Variants in IDO2 observed in about 807,000 individuals in gnomAD.
IDO2 encodes the protein indoleamine 2,3-dioxygenase 2.
IDO2 carries 46 observed loss-of-function variants against 45.1 expected under a neutral mutation model. The observed-to-expected ratio is 1.02, with a 90% confidence interval of 0.80 to 1.30. IDO2 has a LOEUF of 1.30. Ranked by LOEUF, IDO2 falls within the 50% of genes most tolerant of loss-of-function variation. IDO2 has a pLI of 0.00. For missense variants in IDO2, 544 were observed against 491.8 expected, an observed-to-expected ratio of 1.11 and a Z score of -1.00; for synonymous variants, 218 against 184.9, an observed-to-expected ratio of 1.18 and a Z score of -1.45.
intron 2 of IDO2, among the ~76,000 whole-genome samples, chr8:39,962,000 T>C (rs1808005342): frequency 6.6e-6 from 1 of 152,232 alleles, no homozygotes; most frequent in Non-Finnish European, 1.5e-5. Flanking sequence ...ATATGGTTTA[T>C]GTTGCAACTA....
chr8:39,956,989 A>C (rs982060321), intron 2 of IDO2, among the ~76,000 whole-genome samples: 44 of 138,496 alleles, frequency 3.2e-4, no homozygotes, highest in African/African-American at 1.2e-3. Context: ...GTTGCAGTGA[A>C]CCGAGCTCAC....
intron 1 of IDO2, 86 bp from the exon 2 acceptor site, chr8:39,949,063 T>G: frequency 6.6e-7 from 1 of 1,520,484 alleles, no homozygotes; most frequent in Non-Finnish European, 8.8e-7. Context: ...CCTGAGACAC[T>G]GCGCAACTAA....
At chr8:39,981,206 C>T (rs534366153) in intron 4 of IDO2, among the ~76,000 whole-genome samples, 3 of 151,920 alleles carry the variant, frequency 2.0e-5, no homozygotes, top group Admixed American at 6.6e-5. Flanking sequence ...GGACTACAGG[C>T]GCCCACCACA....
At chr8:39,938,219 A>AAT (rs1382789379) in intron 1 of IDO2, among the ~76,000 whole-genome samples, 1 of 152,178 alleles carries the variant, frequency 6.6e-6, no homozygotes, top group East Asian at 1.9e-4. Flanking sequence ...GAGGTGGGAC[A>AAT]ATCACTTAAG....
intron 4 of IDO2, among the ~76,000 whole-genome samples, chr8:39,981,029 G>C (rs900508790): frequency 2.0e-5 from 3 of 148,918 alleles, no homozygotes; most frequent in African/African-American, 4.9e-5. Context: ...TGTGATTACA[G>C]GCATGGGCCC....
At chr8:39,999,289 T>C (rs1302007112) in intron 8 of IDO2, among the ~76,000 whole-genome samples, 1 of 145,962 alleles carries the variant, frequency 6.9e-6, no homozygotes, top group Non-Finnish European at 1.5e-5. Flanking sequence ...TTTTTTTTTT[T>C]TTTTTTTTGA....
intron 8 of IDO2, among the ~76,000 whole-genome samples, chr8:39,999,090 T>A (rs1802096010): frequency 6.6e-6 from 1 of 152,160 alleles, no homozygotes; most frequent in Admixed American, 6.6e-5. Context: ...AAGGATATTT[T>A]TGCTAGCAGC....
At chr8:39,981,277 G>A (rs1030649137) in intron 4 of IDO2, among the ~76,000 whole-genome samples, 9 of 151,634 alleles carry the variant, frequency 5.9e-5, no homozygotes, top group African/African-American at 1.7e-4. Flanking sequence ...AGCCAGGATG[G>A]TCTCGATCTC....
Position 39,992,152 on chromosome 8 carries a change from G to T in IDO2, c.667+2314G>T, listed in dbSNP as rs529572354. The stretch of plus-strand genomic sequence containing the variant: ...CTGGGCATTCCTTTCGACCAGGGGT[G>T]GACTCTGTGCCCCTACTTGTGATGT... On this transcript the variant is annotated intron_variant, in intron 8 of 10. Transcript: ENST00000502986. Among the ~76,000 whole-genome samples, 11 of 152,324 alleles carry T rather than the reference G, an allele frequency of 7.2e-5. No homozygotes were observed. The South Asian group carries it at 2.3e-3, about 32-fold the overall frequency.
At chr8:39,961,188 A>G (rs1221739916) in intron 2 of IDO2, among the ~76,000 whole-genome samples, 1 of 152,106 alleles carries the variant, frequency 6.6e-6, no homozygotes, top group Non-Finnish European at 1.5e-5. Context: ...CTGCCTTGTG[A>G]ATATTCTCCA....
chr8:40,005,226 C>A, intron 8 of IDO2, 101 bp from the exon 9 acceptor site: 1 of 636,726 alleles, frequency 1.6e-6, no homozygotes, highest in South Asian at 3.3e-5. Context: ...CCATGCATAT[C>A]AGATAGGGAA....
intron 1 of IDO2, among the ~76,000 whole-genome samples, chr8:39,943,336 A>G (rs1387877394): frequency 6.6e-6 from 1 of 152,022 alleles, no homozygotes. Context: ...GTGCCACTGT[A>G]CTCCAGTCTG....
In IDO2 at chr8:39,981,826, C is replaced by G. The variant is rs1191684408; in HGVS notation, c.316-826C>G. Among the ~76,000 whole-genome samples the G allele has an allele frequency of 2.0e-5, 3 of 152,162 alleles. No individual in the cohort carries two copies. In the East Asian group the frequency reaches 5.8e-4, roughly 29 times the overall value. ...GGGGGCACAAGGATGGGGTTTGAATCTAGACTCGTTCAGCCTTTACCTCCG... is the reference window on the plus strand; with the variant it reads ...GGGGGCACAAGGATGGGGTTTGAATGTAGACTCGTTCAGCCTTTACCTCCG... On this transcript the variant is annotated intron_variant, in intron 4 of 10. Transcript: ENST00000502986.
intron 8 of IDO2, chr8:39,997,960 C>A: frequency 4.4e-6 from 1 of 225,458 alleles, no homozygotes; most frequent in Non-Finnish European, 9.4e-6. Flanking sequence ...ATGAAGCCGG[C>A]TGGTGACTGG....
intron 9 of IDO2, among the ~76,000 whole-genome samples, chr8:40,012,841 C>T (rs1195125858): frequency 8.5e-5 from 13 of 152,172 alleles, no homozygotes; most frequent in Admixed American, 8.5e-4. Flanking sequence ...CTGCATGTCC[C>T]TGACTTCAGC....
exon 3 of IDO2, chr8:39,963,628 T>C (rs1385793303): frequency 6.2e-7 from 1 of 1,609,732 alleles, no homozygotes; most frequent in Admixed American, 1.7e-5. Flanking sequence ...CAGATCATTA[T>C]AGGCCTTGGA....
intron 3 of IDO2, among the ~76,000 whole-genome samples, chr8:39,970,075 T>C (rs1251883745): frequency 6.6e-6 from 1 of 152,226 alleles, no homozygotes; most frequent in Non-Finnish European, 1.5e-5. Context: ...GCCTTATTGC[T>C]GGTATAGAGG....
chr8:39,978,205 A>T (rs1248140490), intron 3 of IDO2, among the ~76,000 whole-genome samples: 1 of 152,220 alleles, frequency 6.6e-6, no homozygotes, highest in Admixed American at 6.5e-5. Context: ...CTCTGTGCCC[A>T]CGTGGCGGTG....
chr8:39,949,413 A>G lies in IDO2; in HGVS notation c.99+149A>G. On this transcript the variant is annotated intron_variant, in intron 2 of 10. Coordinates refer to ENST00000502986, the Ensembl canonical transcript of IDO2. ...AAAGATGCTACAAAGAGCATAGATT[A>G]TCATTACTATCAAAAGAGAAGTGAC... The G allele has an allele frequency of 6.7e-6, 4 of 601,068 alleles. No homozygotes were observed. In the South Asian group the frequency reaches 6.9e-5, roughly 10 times the overall value. The allele number at this position is 601,068 out of a possible 1,614,324, so 37.2% of individuals were successfully genotyped here.
Sources: gnomAD v4.1 joint callset for allele counts (sites outside exome capture counted in the v4.1 genomes callset) on GRCh38, gnomAD v4.1.1 for gene constraint, MANE v1.5 for transcripts, NCBI Gene and HGNC (gene_info 2026-07-23, HGNC 2026-07-21) for gene names.